SLC31A2: variants seen among roughly 807,000 people sequenced by gnomAD.
SLC31A2 encodes the protein protein SLC31A2.
Under a neutral mutation model 14.4 loss-of-function variants are expected in SLC31A2, and 16 were observed. That is an observed-to-expected ratio of 1.11 (90% confidence interval 0.75 to 1.69). The LOEUF is 1.69. SLC31A2 is among the 40% of genes most tolerant of loss of function. SLC31A2 has a pLI of 0.00. For synonymous variants in SLC31A2, 56 were observed against 68.7 expected (o/e 0.82, Z 0.91); for missense variants, 140 against 173.9 (o/e 0.81, Z 1.10).
rs1830055871 is a variant in SLC31A2, at chr9:113,163,808, G to C, written c.*891G>C. 6.6e-6 allele frequency: 1 copy of C among 152,536 alleles called. No individual in the cohort carries two copies. Among genetic ancestry groups the C allele is most frequent in the African/African-American group, 2.4e-5 (1 of 41,406 alleles). 9.4% of individuals were successfully genotyped at this position (152,536 alleles called of 1,614,324 possible). ...TTTCTTCTATGCAGAACAAAAAGCT[G>C]CATCTAATAATGTTCAATACTTAAT... On this transcript the variant is annotated 3_prime_UTR_variant, in exon 4 of 4. Coordinates refer to ENST00000259392, the MANE Select transcript of SLC31A2 (RefSeq NM_001860.3).
At position 113,151,087 on chromosome 9, in the gene SLC31A2, G is replaced by A; in HGVS notation, c.6+7G>A. 7.6e-7 allele frequency: 1 copy of A among 1,308,016 alleles called. No individual in the cohort carries two copies. The allele number at this position is 1,308,016 out of a possible 1,614,324, so 81.0% of individuals were successfully genotyped here. A position where few individuals can be genotyped will look rare whatever the true frequency, so the allele number is the denominator to read the frequency against. ...CTGCGCACTCACCATGGCGGTAAGG[G>A]CCGGGCGCTACGGTGAAGAGGGTGG... On this transcript the variant is annotated splice_region_variant and intron_variant, in intron 1 of 3. Transcript: ENST00000259392. The surrounding 1 kb of genome is among the most constrained non-coding windows in gnomAD (Gnocchi z 4.2).
chr9:113,157,274 C>T (rs1421178104), intron 1 of SLC31A2, among the ~76,000 whole-genome samples: 4 of 152,190 alleles, frequency 2.6e-5, no homozygotes, highest in South Asian at 2.1e-4. Context: ...GGCCCCTCCA[C>T]GATAAACACT....
chr9:113,156,771 G>A (rs551049604), intron 1 of SLC31A2, among the ~76,000 whole-genome samples: 74 of 152,264 alleles, frequency 4.9e-4, no homozygotes, highest in South Asian at 3.5e-3. Context: ...TGGTGTGGGC[G>A]TCTGAACTCA....
chr9:113,156,437 G>A (rs1013531703), intron 1 of SLC31A2, among the ~76,000 whole-genome samples: 1 of 152,140 alleles, frequency 6.6e-6, no homozygotes, highest in African/African-American at 2.4e-5. Context: ...TTTACATAAT[G>A]GAATTAGAAG....
chr9:113,151,626 T>G lies in SLC31A2; in HGVS notation c.6+546T>G, dbSNP rs1829868132. On this transcript the variant is annotated intron_variant, in intron 1 of 3. Coordinates refer to ENST00000259392, the MANE Select transcript of SLC31A2 (RefSeq NM_001860.3). The surrounding 1 kb of genome is among the most constrained non-coding windows in gnomAD (Gnocchi z 4.2). ...ACACTTTCAGTCAGAAAACAGCGTT[T>G]CAGACAAGCTGTTTTTCTTGGTAGG... The G allele has an allele frequency of 6.6e-6, 1 of 152,502 alleles. No individual in the cohort carries two copies. Among genetic ancestry groups the G allele is most frequent in the Admixed American group, 6.5e-5 (1 of 15,300 alleles). The allele number at this position is 152,502 out of a possible 1,614,324, so 9.4% of individuals were successfully genotyped here.
At position 113,164,021 on chromosome 9, in the gene SLC31A2, A is replaced by G. The variant is rs976300243; in HGVS notation, c.*1104A>G. 4 of 152,660 alleles carry G rather than the reference A, an allele frequency of 2.6e-5. No individual in the cohort carries two copies. The highest frequency in any genetic ancestry group is 9.6e-5 in the African/African-American group (4 of 41,452). 9.5% of individuals were successfully genotyped at this position (152,660 alleles called of 1,614,324 possible). A position where few individuals can be genotyped will look rare whatever the true frequency, so the allele number is the denominator to read the frequency against. On this transcript the variant is annotated 3_prime_UTR_variant, in exon 4 of 4. Transcript: ENST00000259392. Reference sequence around the variant, plus strand: ...AACCTCTTCACTTTATAAAAAAGGAAAGAGAGAAAATCACTGCTGTATACT... The same window carrying G: ...AACCTCTTCACTTTATAAAAAAGGAGAGAGAGAAAATCACTGCTGTATACT...
intron 1 of SLC31A2, chr9:113,156,133 C>T: frequency 1.9e-6 from 1 of 518,318 alleles, no homozygotes; most frequent in Non-Finnish European, 3.8e-6. Context: ...TACCTTTCCA[C>T]CCCCACACTG....
intron 1 of SLC31A2, among the ~76,000 whole-genome samples, chr9:113,154,274 G>C (rs1416188490): frequency 6.6e-6 from 1 of 152,190 alleles, no homozygotes; most frequent in African/African-American, 2.4e-5. Flanking sequence ...CCAAGGGAAA[G>C]GGTTCCTAGA....
chr9:113,162,489 C>T, intron 3 of SLC31A2: 1 of 343,150 alleles, frequency 2.9e-6, no homozygotes, highest in Non-Finnish European at 5.3e-6. Context: ...TTATAGATAC[C>T]CTCATTTTCC....
intron 1 of SLC31A2, among the ~76,000 whole-genome samples, chr9:113,152,910 A>C (rs1440346132): frequency 6.6e-6 from 1 of 152,212 alleles, no homozygotes; most frequent in African/African-American, 2.4e-5. Context: ...ATTAGCCACT[A>C]GGGACATTCC....
chr9:113,152,061 C>T (rs540465479), intron 1 of SLC31A2: 52 of 152,354 alleles, frequency 3.4e-4, no homozygotes, highest in African/African-American at 1.2e-3. Context: ...GTTCCCCAGC[C>T]AGTCAGCCTA....
chr9:113,151,139 T>C lies in SLC31A2; in HGVS notation c.6+59T>C, dbSNP rs562523962. The stretch of plus-strand genomic sequence containing the variant: ...CGGTTGGGGCGGGGTCTCCTGGAGC[T>C]GCCATCTCGGCACCCCGAATCCTCG... On this transcript the variant is annotated intron_variant, in intron 1 of 3. Transcript: ENST00000259392. The surrounding 1 kb of genome is among the most constrained non-coding windows in gnomAD (Gnocchi z 4.2). The C allele has an allele frequency of 5.9e-5, 75 of 1,279,414 alleles. No individual in the cohort carries two copies. The African/African-American group carries it at 1.0e-3, about 17-fold the overall frequency. The allele number at this position is 1,279,414 out of a possible 1,614,324, so 79.3% of individuals were successfully genotyped here.
intron 3 of SLC31A2, chr9:113,162,482 T>C (rs2118840004): frequency 2.9e-6 from 1 of 341,942 alleles, no homozygotes; most frequent in East Asian, 6.5e-5. Flanking sequence ...AGACAGATTA[T>C]AGATACCCTC....
chr9:113,158,330 A>G (rs10981655), intron 2 of SLC31A2, among the ~76,000 whole-genome samples: 10,766 of 152,286 alleles, frequency 0.071, 466 homozygotes, highest in South Asian at 0.14. Context: ...AAGAGACTGG[A>G]AACAGCCCAA....
chr9:113,160,045 G>T lies in SLC31A2; in HGVS notation c.74-1464G>T, dbSNP rs531945249. Among the ~76,000 whole-genome samples the T allele has an allele frequency of 2.0e-5, 3 of 152,186 alleles. No individual in the cohort carries two copies. The East Asian group carries it at 5.8e-4, about 29-fold the overall frequency. On this transcript the variant is annotated intron_variant, in intron 2 of 3. Coordinates refer to ENST00000259392, the MANE Select transcript of SLC31A2 (RefSeq NM_001860.3). ...CAAAAAAATTAGCCAGGCGTGGTGG[G>T]GGGTGTCTGTAATCCCAGCTACTTG...
In SLC31A2 at chr9:113,161,497, C is replaced by T. The variant is rs756097780; in HGVS notation, c.74-12C>T. 9 of 1,613,472 alleles carry T rather than the reference C, an allele frequency of 5.6e-6. No homozygotes were observed. Among genetic ancestry groups the T allele is most frequent in the Non-Finnish European group, 7.6e-6 (9 of 1,179,696 alleles). On this transcript the variant is annotated splice_polypyrimidine_tract_variant and intron_variant, in intron 2 of 3. Coordinates refer to ENST00000259392, the MANE Select transcript of SLC31A2 (RefSeq NM_001860.3). ...CCTGGCCAGGTCTCCACAACTCTGC[C>T]TCCTTTGACAGGCATGGCCCTTTCG...
In SLC31A2 at chr9:113,164,010, A is replaced by T. The variant is rs182034110; in HGVS notation, c.*1093A>T. The T allele has an allele frequency of 6.5e-6, 1 of 152,774 alleles. No homozygotes were observed. The highest frequency in any genetic ancestry group is 1.9e-4 in the East Asian group (1 of 5,188). The allele number at this position is 152,774 out of a possible 1,614,324, so 9.5% of individuals were successfully genotyped here. ...CTGGATAGTTGAACCTCTTCACTTTATAAAAAAGGAAAGAGAGAAAATCAC... is the reference window on the plus strand; with the variant it reads ...CTGGATAGTTGAACCTCTTCACTTTTTAAAAAAGGAAAGAGAGAAAATCAC... On this transcript the variant is annotated 3_prime_UTR_variant, in exon 4 of 4. Transcript: ENST00000259392.
chr9:113,161,313 C>A, intron 2 of SLC31A2, 196 bp from the exon 3 acceptor site: 1 of 582,724 alleles, frequency 1.7e-6, no homozygotes, highest in Non-Finnish European at 3.0e-6. Context: ...CAGGTGGCTT[C>A]TCTTCCTGAT....
rs200915240 is a variant in SLC31A2 at position 113,151,970 on chromosome 9, T to A, written c.6+890T>A. 3 of 151,436 alleles carry A rather than the reference T, an allele frequency of 2.0e-5. No individual in the cohort carries two copies. Among genetic ancestry groups the A allele is most frequent in the Middle Eastern group, 3.4e-3 (1 of 294 alleles). 9.4% of individuals were successfully genotyped at this position (151,436 alleles called of 1,614,324 possible). A position where few individuals can be genotyped will look rare whatever the true frequency, so the allele number is the denominator to read the frequency against. On this transcript the variant is annotated intron_variant, in intron 1 of 3. Coordinates refer to ENST00000259392, the MANE Select transcript of SLC31A2 (RefSeq NM_001860.3). The surrounding 1 kb of genome is among the most constrained non-coding windows in gnomAD (Gnocchi z 4.2). Reference sequence around the variant, plus strand: ...AACAAACAAAACAAAAAAAAAAAGATATAGGAAGTGTATGTAGGCCATTTA... The same window carrying A: ...AACAAACAAAACAAAAAAAAAAAGAAATAGGAAGTGTATGTAGGCCATTTA...
Sources: gnomAD v4.1 joint callset for allele counts (sites outside exome capture counted in the v4.1 genomes callset) on GRCh38, gnomAD v4.1.1 for gene constraint, Gnocchi (gnomAD v3.1) non-coding constraint, MANE v1.5 for transcripts, NCBI Gene and HGNC (gene_info 2026-07-23, HGNC 2026-07-21) for gene names.